The following BACH2 variants were observed in gnomAD, a reference collection of about 807,000 sequenced individuals.
The protein encoded by BACH2 is transcription regulator protein BACH2.
Under a neutral mutation model 61.8 loss-of-function variants are expected in BACH2, and 5 were observed. That is an observed-to-expected ratio of 0.08 (90% CI 0.04 to 0.17). The LOEUF (loss-of-function observed/expected upper bound fraction) is 0.17, where lower values mean the gene tolerates loss of function less well. BACH2 is among the 10% of genes least tolerant of loss of function. The pLI, the probability that BACH2 is intolerant of heterozygous loss-of-function variation, is 1.00. For missense variants in BACH2, 824 were observed against 1,091.1 expected, an observed-to-expected ratio of 0.76 and a Z score of 3.45; for synonymous variants, 446 against 440.1, an observed-to-expected ratio of 1.01 and a Z score of -0.17.
intron 5 of BACH2, among the ~76,000 whole-genome samples, chr6:90,086,667 C>A (rs1243035874): frequency 1.3e-5 from 2 of 152,164 alleles, no homozygotes; most frequent in Non-Finnish European, 2.9e-5. Context: ...GGAGTCATGA[C>A]AACTTCTTTC....
chr6:90,060,324 C>G (rs772552751), intron 5 of BACH2, among the ~76,000 whole-genome samples: 2 of 152,152 alleles, frequency 1.3e-5, no homozygotes, highest in Non-Finnish European at 2.9e-5. Context: ...AACTTATTAA[C>G]CTCTCTTCCT....
At chr6:90,197,493 T>C (rs979941432) in intron 4 of BACH2, among the ~76,000 whole-genome samples, 3 of 152,204 alleles carry the variant, frequency 2.0e-5, no homozygotes, top group African/African-American at 7.2e-5. Flanking sequence ...GGCCTACTAA[T>C]TGACAGAAAA....
At chr6:90,169,652 G>A (rs551781759) in intron 4 of BACH2, among the ~76,000 whole-genome samples, 2 of 152,254 alleles carry the variant, frequency 1.3e-5, no homozygotes, top group South Asian at 2.1e-4. Flanking sequence ...CTGGATTAAC[G>A]GTGCTCCTTT....
chr6:90,044,752 G>A (rs1205169267), intron 5 of BACH2, among the ~76,000 whole-genome samples: 1 of 152,144 alleles, frequency 6.6e-6, no homozygotes, highest in Admixed American at 6.5e-5. Flanking sequence ...GTGAGAGAAC[G>A]GAAAGAGTTA....
chr6:90,230,029 G>A (rs549032025), intron 3 of BACH2, among the ~76,000 whole-genome samples: 3 of 152,194 alleles, frequency 2.0e-5, no homozygotes, highest in East Asian at 1.9e-4. Context: ...CGCAATCCCC[G>A]ACATTCTGAC....
intron 4 of BACH2, among the ~76,000 whole-genome samples, chr6:90,145,747 A>G (rs1171673658): frequency 6.6e-6 from 1 of 152,182 alleles, no homozygotes. Flanking sequence ...ACGAATTTGG[A>G]CATCTTGACC....
In BACH2 at chr6:90,068,709, C is replaced by T. The variant is rs561621562; in HGVS notation, c.-13+20252G>A. Among the ~76,000 whole-genome samples, 5 of 151,378 alleles carry T rather than the reference C, an allele frequency of 3.3e-5. No individual in the cohort carries two copies. In the East Asian group the frequency reaches 5.8e-4, roughly 18 times the overall value. On this transcript the variant is annotated intron_variant, in intron 5 of 8. Transcript: ENST00000257749. ...ACCTAAAAATTAGAAATGACTGGAG[C>T]GGTAAAGTTATTCTGCTAAGTAAAA...
At chr6:90,279,161 G>GA (rs1484667563) in intron 1 of BACH2, among the ~76,000 whole-genome samples, 2 of 151,916 alleles carry the variant, frequency 1.3e-5, no homozygotes, top group Non-Finnish European at 2.9e-5. Flanking sequence ...AAACCATTCT[G>GA]AAAAAATCTA....
At chr6:90,111,452 G>C (rs1478216883) in intron 4 of BACH2, among the ~76,000 whole-genome samples, 1 of 152,210 alleles carries the variant, frequency 6.6e-6, no homozygotes, top group African/African-American at 2.4e-5. Flanking sequence ...CTGAGGTGCA[G>C]GCCCAAGCCT....
rs1770453847 is a variant in BACH2, at chr6:90,241,586, T to G, written c.-275+10927A>C. Among the ~76,000 whole-genome samples the G allele has an allele frequency of 2.0e-5, 3 of 152,360 alleles. No homozygotes were observed. In the South Asian group the frequency reaches 6.2e-4, roughly 32 times the overall value. Reference sequence around the variant, plus strand: ...GCACAATGGCCACAAGCCCACATTTTCACCCTGTCTGTTGTCAAAAGCAAG... The same window carrying G: ...GCACAATGGCCACAAGCCCACATTTGCACCCTGTCTGTTGTCAAAAGCAAG... On this transcript the variant is annotated intron_variant, in intron 3 of 8. Transcript: ENST00000257749.
At chr6:90,189,724 T>G (rs1008546192) in intron 4 of BACH2, among the ~76,000 whole-genome samples, 1 of 147,196 alleles carries the variant, frequency 6.8e-6, no homozygotes, top group Non-Finnish European at 1.5e-5. Context: ...AAGGAGGAGG[T>G]GCTCAAGTAT....
chr6:90,221,219 C>T (rs77112905), intron 3 of BACH2, among the ~76,000 whole-genome samples: 1,570 of 152,158 alleles, frequency 0.01, 36 homozygotes, highest in African/African-American at 0.036. Flanking sequence ...TTTATACTGT[C>T]CTTTTATACT....
intron 6 of BACH2, among the ~76,000 whole-genome samples, chr6:89,990,663 G>A (rs1776495624): frequency 6.6e-6 from 1 of 150,708 alleles, no homozygotes; most frequent in Non-Finnish European, 1.5e-5. Context: ...TCTGGTCCAT[G>A]TTCGTATGTC....
chr6:90,273,428 T>A (rs1166051976), intron 1 of BACH2, among the ~76,000 whole-genome samples: 5 of 152,038 alleles, frequency 3.3e-5, no homozygotes, highest in African/African-American at 1.2e-4. Context: ...TAAGAATAGT[T>A]AAAAGGTGTG....
intron 4 of BACH2, among the ~76,000 whole-genome samples, chr6:90,206,170 A>C (rs1204188654): frequency 6.6e-6 from 1 of 152,204 alleles, no homozygotes; most frequent in East Asian, 1.9e-4. Flanking sequence ...CATTATTATC[A>C]GCATTTTACA....
chr6:90,252,952 A>T (rs1770857475), intron 2 of BACH2, among the ~76,000 whole-genome samples: 2 of 152,218 alleles, frequency 1.3e-5, no homozygotes, highest in African/African-American at 2.4e-5. Flanking sequence ...GCTCAGAAAG[A>T]GTAGCTTTAG....
chr6:89,949,545 A>G (rs1773946329), intron 7 of BACH2, among the ~76,000 whole-genome samples: 1 of 152,166 alleles, frequency 6.6e-6, no homozygotes, highest in African/African-American at 2.4e-5. Context: ...TAAGACACAC[A>G]TGGAGCCTCT....
At chr6:89,980,204 G>T (rs1480489039) in intron 6 of BACH2, among the ~76,000 whole-genome samples, 1 of 151,778 alleles carries the variant, frequency 6.6e-6, no homozygotes, top group Admixed American at 6.6e-5. Context: ...TGAAGCAAGA[G>T]AATTGCTTGA....
At chr6:89,940,254 C>T (rs1773342143) in intron 7 of BACH2, among the ~76,000 whole-genome samples, 1 of 152,170 alleles carries the variant, frequency 6.6e-6, no homozygotes, top group South Asian at 2.1e-4. Flanking sequence ...AAGTGATCCG[C>T]CCGCCTTGGC....
Sources: gnomAD v4.1 joint callset for allele counts (sites outside exome capture counted in the v4.1 genomes callset) on GRCh38, gnomAD v4.1.1 for gene constraint, MANE v1.5 for transcripts, NCBI Gene and HGNC (gene_info 2026-07-23, HGNC 2026-07-21) for gene names.